TSHZ3: variants seen among roughly 807,000 people sequenced by gnomAD.
TSHZ3 encodes the protein teashirt zinc finger homeobox 3.
Under a neutral mutation model 64.5 loss-of-function variants are expected in TSHZ3, and 10 were observed. The ratio of observed to expected loss-of-function variants is 0.16; its 90% CI spans 0.10 to 0.26. TSHZ3 has a LOEUF of 0.26. Among genes scored for constraint, TSHZ3 ranks in the 10% least tolerant of loss-of-function variants. TSHZ3 has a pLI of 1.00. For missense variants in TSHZ3, 1,242 were observed against 1,421.7 expected (o/e 0.87, Z 2.03); for synonymous variants, 608 against 593.1 (o/e 1.03, Z -0.36).
intron 1 of TSHZ3, among the ~76,000 whole-genome samples, chr19:31,246,132 T>A (rs557356144): frequency 9.8e-5 from 15 of 152,336 alleles, no homozygotes; most frequent in South Asian, 2.1e-4. Context: ...TTGTTTTTTT[T>A]AAATTTAAAA....
rs1224383863 is a variant in TSHZ3 at position 31,187,378 on chromosome 19, T to C, written n.809+17578A>G. 2.7e-5 allele frequency among the ~76,000 whole-genome samples: 4 copies of C among 147,242 alleles called. No individual in the cohort carries two copies. In the Admixed American group the frequency reaches 2.8e-4, roughly 10 times the overall value. On this transcript the variant is annotated intron_variant and non_coding_transcript_variant, in intron 5 of 6. Coordinates refer to the TSHZ3 transcript ENST00000651361. ...TTTATTGCTGAGCAGAATTGCATTGTACCAATTCACGTTTAATCGTGTTTT... is the reference window on the plus strand; with the variant it reads ...TTTATTGCTGAGCAGAATTGCATTGCACCAATTCACGTTTAATCGTGTTTT...
downstream of TSHZ3, chr19:31,274,885 A>T (rs973322127): frequency 1.3e-5 from 2 of 152,214 alleles, no homozygotes; most frequent in Non-Finnish European, 2.9e-5. Flanking sequence ...ATACAATTTA[A>T]TTTTAATGTG....
chr19:31,179,139 A>G (rs1396535162), intron 5 of TSHZ3, among the ~76,000 whole-genome samples: 1 of 152,162 alleles, frequency 6.6e-6, no homozygotes, highest in Non-Finnish European at 1.5e-5. Flanking sequence ...ACTACTCACA[A>G]CAATGGGGAA....
At chr19:31,237,372 T>G (rs1333763114) in intron 3 of TSHZ3, among the ~76,000 whole-genome samples, 1 of 152,192 alleles carries the variant, frequency 6.6e-6, no homozygotes, top group Non-Finnish European at 1.5e-5. Context: ...TTATTATTGC[T>G]TCTTATTATT....
chr19:31,277,769 C>T lies in TSHZ3; in HGVS notation c.2024G>A (p.Arg675Gln), dbSNP rs754229575. Reference protein sequence around the residue: ...RSQENSPSPPRDGCKDGSPLA... With the variant: ...RSQENSPSPPQDGCKDGSPLA... ...GGGGCTCCCATCCTTGCACCCATCC[C>T]GCGGGGGGCTGGGGCTGTTCTCCTG... Residue 675 changes from arginine (R) to glutamine (Q), a missense_variant, in exon 2 of 2, where the codon CGG becomes CAG. Arg to Gln is a conservative substitution (Grantham distance 43, BLOSUM62 1). This residue lies in a region of TSHZ3 where 550 missense variants were observed against 545.1 expected (regional missense o/e 1.01). Coordinates refer to ENST00000240587, the MANE Select transcript of TSHZ3 (RefSeq NM_020856.4). This position sits in a 1 kb window ranked among gnomAD's most constrained non-coding sequence, Gnocchi z 4.5. The T allele has an allele frequency of 1.3e-5, 20 of 1,529,552 alleles. No homozygotes were observed. The highest frequency in any genetic ancestry group is 1.7e-5 in the Non-Finnish European group (19 of 1,141,822). 94.7% of individuals were successfully genotyped at this position (1,529,552 alleles called of 1,614,324 possible). A position where few individuals can be genotyped will look rare whatever the true frequency, so the allele number is the denominator to read the frequency against.
intron 1 of TSHZ3, among the ~76,000 whole-genome samples, chr19:31,326,021 G>T (rs759874077): frequency 5.3e-5 from 8 of 152,062 alleles, no homozygotes; most frequent in Non-Finnish European, 1.0e-4. Context: ...TTAACATTCC[G>T]CTTTATTTGC....
At chr19:31,152,414 G>A (rs1974253592) in intron 6 of TSHZ3, among the ~76,000 whole-genome samples, 1 of 152,160 alleles carries the variant, frequency 6.6e-6, no homozygotes, top group Non-Finnish European at 1.5e-5. Context: ...TGTGGAAGGG[G>A]TGAGGTGGGA....
In TSHZ3 at chr19:31,276,863, A is replaced by C; in HGVS notation, c.2930T>G (p.Phe977Cys). The C allele has an allele frequency of 6.2e-7, 1 of 1,614,220 alleles. No homozygotes were observed. Among genetic ancestry groups the C allele is most frequent in the Non-Finnish European group, 8.5e-7 (1 of 1,180,036 alleles). Residue 977 changes from phenylalanine to cysteine, a missense_variant, in exon 2 of 2, where the codon TTT (phenylalanine) becomes TGT (cysteine). Coordinates refer to ENST00000240587, the MANE Select transcript of TSHZ3 (RefSeq NM_020856.4). ...GATTTGGGACGCACAATCGTTACAA[A>C]AGAAGACGGGGTGGCCAGTGTCCAA... is the stretch of plus-strand genomic sequence containing the variant. ...KNLDTGHPVFFCNDCASQIRT... is the reference protein window; with the variant it reads ...KNLDTGHPVFCCNDCASQIRT...
At chr19:31,319,561 A>G (rs527367787) in intron 1 of TSHZ3, among the ~76,000 whole-genome samples, 15 of 152,188 alleles carry the variant, frequency 9.9e-5, no homozygotes, top group Non-Finnish European at 1.8e-4. Context: ...CCCACCACTG[A>G]GGGAGACTGA....
chr19:31,214,591 G>C lies in TSHZ3; in HGVS notation n.687-9513C>G, dbSNP rs1156477736. Among the ~76,000 whole-genome samples, 5 of 152,264 alleles carry C rather than the reference G, an allele frequency of 3.3e-5. No individual in the cohort carries two copies. In the East Asian group the frequency reaches 9.7e-4, roughly 30 times the overall value. On this transcript the variant is annotated intron_variant and non_coding_transcript_variant, in intron 4 of 6. Transcript: ENST00000651361. ...CTTTCACATCCCAGGATTAAGTGTG[G>C]GGGTCCTGAAGACCTATTTCCTAAA...
At chr19:31,210,031 G>A (rs1429095623) in intron 4 of TSHZ3, among the ~76,000 whole-genome samples, 4 of 152,148 alleles carry the variant, frequency 2.6e-5, no homozygotes, top group African/African-American at 9.7e-5. Flanking sequence ...GCTTTTTAAG[G>A]ACACTTCATT....
chr19:31,179,320 C>T (rs1974662508), intron 5 of TSHZ3, among the ~76,000 whole-genome samples: 1 of 152,158 alleles, frequency 6.6e-6, no homozygotes, highest in South Asian at 2.1e-4. Flanking sequence ...AGAATACAGC[C>T]ACTGTCCATG....
intron 5 of TSHZ3, among the ~76,000 whole-genome samples, chr19:31,184,155 G>T (rs940872649): frequency 6.6e-6 from 1 of 152,120 alleles, no homozygotes; most frequent in South Asian, 2.1e-4. Flanking sequence ...GACCAAAAAA[G>T]GATGTATTTT....
chr19:31,245,029 G>A lies in TSHZ3; in HGVS notation n.64-2154C>T, dbSNP rs1568358009. On this transcript the variant is annotated intron_variant and non_coding_transcript_variant, in intron 1 of 6. Coordinates refer to the TSHZ3 transcript ENST00000651361. Reference sequence around the variant, plus strand: ...ATAAATACTCTATGTAATTTGTTATGTATGTATAAAGTATATAGGAAAATA... The same window carrying A: ...ATAAATACTCTATGTAATTTGTTATATATGTATAAAGTATATAGGAAAATA... Among the ~76,000 whole-genome samples the A allele has an allele frequency of 2.6e-5, 4 of 152,208 alleles. No homozygotes were observed. In the South Asian group the frequency reaches 8.3e-4, roughly 32 times the overall value.
chr19:31,308,052 C>T (rs146925796), intron 1 of TSHZ3, among the ~76,000 whole-genome samples: 188 of 152,342 alleles, frequency 1.2e-3, no homozygotes, highest in African/African-American at 4.0e-3. Flanking sequence ...CTAGCTCTCA[C>T]GCAACTGTTT....
intron 5 of TSHZ3, among the ~76,000 whole-genome samples, chr19:31,183,677 A>T (rs1974759945): frequency 6.6e-6 from 1 of 152,080 alleles, no homozygotes; most frequent in Non-Finnish European, 1.5e-5. Flanking sequence ...ATATGGCTCA[A>T]CCTGTAAGGA....
chr19:31,205,357 T>C (rs777868076), intron 4 of TSHZ3, among the ~76,000 whole-genome samples: 1 of 152,204 alleles, frequency 6.6e-6, no homozygotes, highest in Non-Finnish European at 1.5e-5. Context: ...TTCCTGCCCC[T>C]TTTTTATTCC....
At chr19:31,332,357 C>T (rs1393936036) in intron 1 of TSHZ3, among the ~76,000 whole-genome samples, 1 of 152,208 alleles carries the variant, frequency 6.6e-6, no homozygotes, top group South Asian at 2.1e-4. Flanking sequence ...CTGCATTCCC[C>T]ACACTGCCAT....
chr19:31,177,478 A>C (rs1274466164), intron 5 of TSHZ3, among the ~76,000 whole-genome samples: 2 of 152,218 alleles, frequency 1.3e-5, no homozygotes, highest in African/African-American at 2.4e-5. Context: ...GCTTCCAGCC[A>C]CATCCCTCCA....
Sources: allele counts gnomAD v4.1 joint callset (sites outside exome capture counted in the v4.1 genomes callset), GRCh38; gene constraint gnomAD v4.1.1; regional missense constraint gnomAD v4.1.1; non-coding constraint Gnocchi (gnomAD v3.1); transcripts MANE v1.5; gene names NCBI Gene and HGNC (gene_info 2026-07-23, HGNC 2026-07-21).